Variants in SORCS3 observed in about 807,000 individuals in gnomAD.
The protein encoded by SORCS3 is sortilin related VPS10 domain containing receptor 3, also known as VPS10 domain-containing receptor SorCS3.
SORCS3 carries 57 observed loss-of-function variants against 146.3 expected under a neutral mutation model. The ratio of observed to expected loss-of-function variants is 0.39; its 90% CI spans 0.31 to 0.49. The LOEUF (loss-of-function observed/expected upper bound fraction) is 0.49. Among genes scored for constraint, SORCS3 ranks in the 20% least tolerant of loss-of-function variants. SORCS3 has a pLI of 0.92. For missense variants in SORCS3, 1,341 were observed against 1,575.5 expected, an observed-to-expected ratio of 0.85 and a Z score of 2.52; for synonymous variants, 653 against 618.5, an observed-to-expected ratio of 1.06 and a Z score of -0.83.
intron 1 of SORCS3, among the ~76,000 whole-genome samples, chr10:104,804,496 C>T (rs1018340147): frequency 3.9e-5 from 6 of 152,130 alleles, no homozygotes; most frequent in African/African-American, 1.2e-4. Context: ...ATATTCTTCA[C>T]AGTAGTCCTG....
chr10:105,244,354 T>C (rs1322242209), intron 20 of SORCS3, among the ~76,000 whole-genome samples: 3 of 151,794 alleles, frequency 2.0e-5, no homozygotes, highest in Admixed American at 6.6e-5. Flanking sequence ...ATGTGGGTTG[T>C]TTTTTTTCAA....
chr10:105,046,583 TATC>T (rs1264917470), intron 5 of SORCS3, among the ~76,000 whole-genome samples: 4 of 152,150 alleles, frequency 2.6e-5, no homozygotes, highest in Non-Finnish European at 4.4e-5. Context: ...TGTAAGGAGT[TATC>T]ATTATTATCC....
intron 2 of SORCS3, among the ~76,000 whole-genome samples, chr10:104,906,199 G>C (rs2018903641): frequency 6.6e-6 from 1 of 152,198 alleles, no homozygotes; most frequent in South Asian, 2.1e-4. Flanking sequence ...TCCAGCACCT[G>C]CTAGTGTAGG....
intron 6 of SORCS3, among the ~76,000 whole-genome samples, chr10:105,092,757 A>G (rs1564751925): frequency 6.6e-6 from 1 of 152,166 alleles, no homozygotes; most frequent in African/African-American, 2.4e-5. Flanking sequence ...GCGATAGGAA[A>G]AAACAAACAA....
intron 7 of SORCS3, among the ~76,000 whole-genome samples, chr10:105,131,917 C>T (rs1348827117): frequency 6.6e-6 from 1 of 152,110 alleles, no homozygotes; most frequent in Non-Finnish European, 1.5e-5. Flanking sequence ...CACCTCCCAC[C>T]AGGCCCCACC....
At chr10:105,083,862 G>C (rs1468386904) in intron 5 of SORCS3, among the ~76,000 whole-genome samples, 1 of 152,202 alleles carries the variant, frequency 6.6e-6, no homozygotes, top group Non-Finnish European at 1.5e-5. Flanking sequence ...TGGAGAAAGG[G>C]AGGCAATGAG....
intron 4 of SORCS3, among the ~76,000 whole-genome samples, chr10:105,026,821 C>G (rs2055235096): frequency 6.6e-6 from 1 of 152,084 alleles, no homozygotes; most frequent in Non-Finnish European, 1.5e-5. Context: ...ATACTGCGGA[C>G]TACAAGAGGT....
intron 2 of SORCS3, among the ~76,000 whole-genome samples, chr10:104,888,773 A>G (rs1166028036): frequency 6.6e-6 from 1 of 152,218 alleles, no homozygotes; most frequent in Non-Finnish European, 1.5e-5. Flanking sequence ...GTTAGCTGGG[A>G]GGATCTATGT....
At chr10:104,721,479 T>G (rs1394878635) in intron 1 of SORCS3, among the ~76,000 whole-genome samples, 1 of 151,996 alleles carries the variant, frequency 6.6e-6, no homozygotes, top group Non-Finnish European at 1.5e-5. Context: ...TGGTTCCATA[T>G]GAACTTTAAA....
intron 20 of SORCS3, among the ~76,000 whole-genome samples, chr10:105,238,208 G>A (rs564653777): frequency 6.6e-6 from 1 of 152,312 alleles, no homozygotes; most frequent in African/African-American, 2.4e-5. Flanking sequence ...TACTTTTGTG[G>A]ATCTTTTTTA....
rs142652556 is a variant in SORCS3, at chr10:105,164,356, G to A, written c.1786G>A (p.Asp596Asn). The change falls in exon 12 of 27, where the codon GAT becomes AAT. Residue 596 changes from aspartate to asparagine, a missense_variant. By Grantham distance (23) the Asp-to-Asn change is conservative (BLOSUM62 1). Transcript: ENST00000369701. ...TGATATTGGTGTGTTCATCTCCTCC[G>A]ATGGGGGCAACACATGGAGACAGGT... ...YTDIGVFISS[D>N]GGNTWRQIFD... is the part of the protein sequence containing the mutation. The A allele has an allele frequency of 6.8e-5, 109 of 1,613,102 alleles. No individual in the cohort carries two copies. Among genetic ancestry groups the A allele is most frequent in the Middle Eastern group, 3.3e-4 (2 of 6,078 alleles).
chr10:104,949,790 G>C (rs2019409424), intron 3 of SORCS3, among the ~76,000 whole-genome samples: 1 of 152,192 alleles, frequency 6.6e-6, no homozygotes, highest in Non-Finnish European at 1.5e-5. Flanking sequence ...AGGAAGGAAA[G>C]GTGGGGAAAA....
chr10:105,171,555 T>C (rs144955815), intron 13 of SORCS3, among the ~76,000 whole-genome samples: 1 of 152,318 alleles, frequency 6.6e-6, no homozygotes, highest in East Asian at 1.9e-4. Flanking sequence ...TCTTTGGTTG[T>C]TTGTGCTAGC....
intron 1 of SORCS3, among the ~76,000 whole-genome samples, chr10:104,676,254 T>A (rs961331105): frequency 2.0e-5 from 3 of 152,140 alleles, no homozygotes. Flanking sequence ...TGAATAGAAG[T>A]GGTGGTAGAC....
chr10:105,177,576 C>T (rs1244449338), intron 13 of SORCS3, among the ~76,000 whole-genome samples: 1 of 152,054 alleles, frequency 6.6e-6, no homozygotes, highest in Non-Finnish European at 1.5e-5. Flanking sequence ...CCCTAAAAGC[C>T]CCTTAAAGTG....
chr10:104,729,926 C>T (rs2016687093), intron 1 of SORCS3, among the ~76,000 whole-genome samples: 1 of 152,202 alleles, frequency 6.6e-6, no homozygotes, highest in Non-Finnish European at 1.5e-5. Flanking sequence ...TCTCTCTGAG[C>T]CTCAGTTTTC....
intron 1 of SORCS3, among the ~76,000 whole-genome samples, chr10:104,732,422 G>T (rs1176576054): frequency 6.6e-6 from 1 of 152,168 alleles, no homozygotes; most frequent in African/African-American, 2.4e-5. Context: ...TGAAAGGCAG[G>T]TCACTCTAGG....
chr10:104,758,318 T>C (rs1039364429), intron 1 of SORCS3, among the ~76,000 whole-genome samples: 1 of 152,222 alleles, frequency 6.6e-6, no homozygotes, highest in South Asian at 2.1e-4. Flanking sequence ...TCCTGGACTT[T>C]ATTTTTGCAG....
At chr10:105,210,049 G>A (rs2056624845) in intron 16 of SORCS3, among the ~76,000 whole-genome samples, 1 of 152,068 alleles carries the variant, frequency 6.6e-6, no homozygotes, top group Non-Finnish European at 1.5e-5. Context: ...CACATAGTGA[G>A]TTGTAAATAG....
Sources: gnomAD v4.1 joint callset for allele counts (sites outside exome capture counted in the v4.1 genomes callset) on GRCh38, gnomAD v4.1.1 for gene constraint, MANE v1.5 for transcripts, NCBI Gene and HGNC (gene_info 2026-07-23, HGNC 2026-07-21) for gene names.